The following FAT3 variants were observed in gnomAD, a reference collection of about 807,000 sequenced individuals.
FAT3 encodes FAT atypical cadherin 3, also known as protocadherin Fat 3.
In FAT3, 95 loss-of-function variants were observed where a neutral mutation model predicts 310.2. The observed-to-expected ratio is 0.31, with a 90% CI of 0.26 to 0.36. FAT3 has a LOEUF of 0.36. Ranked by LOEUF, FAT3 falls within the 10% of genes least tolerant of loss-of-function variation. The pLI is 1.00. For synonymous variants in FAT3, 2,314 were observed against 2,192.9 expected, an observed-to-expected ratio of 1.06 and a Z score of -1.54; for missense variants, 5,408 against 5,715.6, an observed-to-expected ratio of 0.95 and a Z score of 1.74.
chr11:92,533,577 G>C (rs927996815), intron 3 of FAT3, among the ~76,000 whole-genome samples: 2 of 152,194 alleles, frequency 1.3e-5, no homozygotes, highest in African/African-American at 4.8e-5. Context: ...ATTACAGGCA[G>C]GGATAGGGAG....
At position 92,638,657 on chromosome 11, in the gene FAT3, A is replaced by G. The variant is rs191355261; in HGVS notation, c.3608-58727A>G. 1.6e-3 allele frequency among the ~76,000 whole-genome samples: 247 copies of G among 152,346 alleles called. 1 individual carries two copies. The highest frequency in any genetic ancestry group is 5.5e-3 in the Admixed American group (84 of 15,304). On this transcript the variant is annotated intron_variant, in intron 3 of 27. Coordinates refer to ENST00000525166, the MANE Select transcript of FAT3 (RefSeq NM_001367949.2). Reference sequence around the variant, plus strand: ...ATTGGACACTTGAAGCACGTCTCATAGGAAATGTCAGCACCAATAATTTTC... The same window carrying G: ...ATTGGACACTTGAAGCACGTCTCATGGGAAATGTCAGCACCAATAATTTTC...
chr11:92,312,217 T>C (rs1347037915), intron 1 of FAT3, among the ~76,000 whole-genome samples: 3 of 152,316 alleles, frequency 2.0e-5, no homozygotes, highest in Middle Eastern at 3.4e-3. Context: ...CCTACAGGAA[T>C]TCGTGATTCT....
At chr11:92,283,624 GA>G (rs1946485383) in intron 1 of FAT3, among the ~76,000 whole-genome samples, 1 of 152,062 alleles carries the variant, frequency 6.6e-6, no homozygotes, top group Non-Finnish European at 1.5e-5. Context: ...TTCAATTCAG[GA>G]ACAACTAAAA....
At chr11:92,671,554 G>T (rs1181255484) in intron 3 of FAT3, among the ~76,000 whole-genome samples, 1 of 151,768 alleles carries the variant, frequency 6.6e-6, no homozygotes, top group Non-Finnish European at 1.5e-5. Flanking sequence ...TGATCAAATG[G>T]GCCTTCCCTG....
rs1949257741 is a variant in FAT3 at position 92,866,785 on chromosome 11, C to A, written c.11703C>A (p.Gly3901=). 2 of 1,613,764 alleles carry A rather than the reference C, an allele frequency of 1.2e-6. No homozygotes were observed. Among genetic ancestry groups the A allele is most frequent in the South Asian group, 2.2e-5 (2 of 91,060 alleles). The change falls in exon 22 of 28, where the codon GGC becomes GGA. Residue 3901 remains glycine, a synonymous_variant. Coordinates refer to ENST00000525166, the MANE Select transcript of FAT3 (RefSeq NM_001367949.2). ...GGTTCCAGCTGGACTGCGGCAGCGG[C>A]CCTGGAATCTTGGGCATCTCGGGCC... ...KLWFQLDCGS[G]PGILGISGRA...
chr11:92,682,639 TC>T (rs1443978023), intron 3 of FAT3, among the ~76,000 whole-genome samples: 1 of 152,244 alleles, frequency 6.6e-6, no homozygotes, highest in Non-Finnish European at 1.5e-5. Context: ...CATCTTAGTT[TC>T]CTTGATATTG....
chr11:92,595,208 TG>T lies in FAT3; in HGVS notation c.3607+70261del, dbSNP rs1240600006. Among the ~76,000 whole-genome samples the T allele has an allele frequency of 2.6e-5, 4 of 152,226 alleles. No homozygotes were observed. The East Asian group carries it at 7.7e-4, about 29-fold the overall frequency. On this transcript the variant is annotated intron_variant, in intron 3 of 27. Coordinates refer to ENST00000525166, the MANE Select transcript of FAT3 (RefSeq NM_001367949.2). The stretch of plus-strand genomic sequence containing the variant: ...AGCTGAATCTGACTTCAACACCACA[TG>T]AGTTCAGGAGAGGATGATGGAGGCA...
Position 92,352,209 on chromosome 11 carries a change from C to A in FAT3, c.97C>A (p.Leu33Met). 1 of 1,379,018 alleles carries A rather than the reference C, an allele frequency of 7.3e-7. No individual in the cohort carries two copies. Among genetic ancestry groups the A allele is most frequent in the East Asian group, 4.4e-5 (1 of 22,638 alleles). 85.4% of individuals were successfully genotyped at this position (1,379,018 alleles called of 1,614,324 possible). A position where few individuals can be genotyped will look rare whatever the true frequency, so the allele number is the denominator to read the frequency against. ...FKLLATVSQG[L>M]PGTGPLGFHF... is the part of the protein sequence containing the mutation. The stretch of plus-strand genomic sequence containing the variant: ...GCTTTTGGCCACTGTCTCCCAGGGG[C>A]TGCCAGGGACTGGACCCCTGGGCTT... Residue 33 changes from leucine to methionine, a missense_variant, in exon 2 of 28, where the codon CTG becomes ATG. Physicochemically the swap from Leu to Met is conservative, Grantham distance 15. Transcript: ENST00000525166.
At chr11:92,882,590 C>G (rs77951320) in intron 23 of FAT3, 148 bp from the exon 24 acceptor site, 66,177 of 515,868 alleles carry the variant, frequency 0.13, 11,214 homozygotes, top group South Asian at 0.17. Flanking sequence ...CCCCCTCCCC[C>G]CCCCCACCAA....
chr11:92,859,404 A>T (rs1949066549), intron 21 of FAT3, 82 bp downstream of exon 21: 1 of 1,362,076 alleles, frequency 7.3e-7, no homozygotes, highest in African/African-American at 1.5e-5. Flanking sequence ...GGCTGAAATC[A>T]TTTTGTCTTT....
chr11:92,412,347 C>G (rs1434814569), intron 2 of FAT3, among the ~76,000 whole-genome samples: 4 of 150,742 alleles, frequency 2.7e-5, no homozygotes, highest in Non-Finnish European at 5.9e-5. Context: ...GTGATCCACC[C>G]ACCTCAGCCT....
chr11:92,505,055 A>G (rs78136870), intron 2 of FAT3, among the ~76,000 whole-genome samples: 279 of 152,218 alleles, frequency 1.8e-3, no homozygotes, highest in African/African-American at 6.4e-3. Context: ...CACTTTAGAA[A>G]CATTCAGATG....
chr11:92,427,234 CTT>C (rs770531595), intron 2 of FAT3, among the ~76,000 whole-genome samples: 1 of 152,142 alleles, frequency 6.6e-6, no homozygotes, highest in East Asian at 1.9e-4. Flanking sequence ...TATCCTGAGA[CTT>C]TGCTGAAGTT....
At chr11:92,550,421 T>G (rs1449743751) in intron 3 of FAT3, among the ~76,000 whole-genome samples, 1 of 152,214 alleles carries the variant, frequency 6.6e-6, no homozygotes, top group Non-Finnish European at 1.5e-5. Flanking sequence ...TCTGCAGATT[T>G]AAATATATAT....
chr11:92,862,404 A>G (rs1246856870), intron 21 of FAT3, among the ~76,000 whole-genome samples: 3 of 152,244 alleles, frequency 2.0e-5, no homozygotes, highest in Non-Finnish European at 4.4e-5. Flanking sequence ...AATCAGTAGG[A>G]GAACACTTTA....
intron 2 of FAT3, among the ~76,000 whole-genome samples, chr11:92,418,434 C>CCA (rs1491574118): frequency 1.8e-5 from 2 of 109,150 alleles, no homozygotes; most frequent in Non-Finnish European, 3.7e-5. Flanking sequence ...CCCCACCCCC[C>CCA]CACACACACA....
At chr11:92,816,657 G>A (rs1947833759) in intron 13 of FAT3, among the ~76,000 whole-genome samples, 1 of 152,200 alleles carries the variant, frequency 6.6e-6, no homozygotes, top group Non-Finnish European at 1.5e-5. Context: ...CCTCAAGGGT[G>A]TGGAGGGACC....
chr11:92,308,785 C>CT, intron 1 of FAT3, among the ~76,000 whole-genome samples: 1 of 152,244 alleles, frequency 6.6e-6, no homozygotes, highest in Non-Finnish European at 1.5e-5. Flanking sequence ...TGTATCCTTT[C>CT]TTAATGTCTT....
chr11:92,682,627 A>G (rs1252433251), intron 3 of FAT3, among the ~76,000 whole-genome samples: 1 of 152,168 alleles, frequency 6.6e-6, no homozygotes, highest in East Asian at 1.9e-4. Flanking sequence ...AGGGTGATCA[A>G]CCATCTTAGT....
Sources: gnomAD v4.1 joint callset for allele counts (sites outside exome capture counted in the v4.1 genomes callset) on GRCh38, gnomAD v4.1.1 for gene constraint, MANE v1.5 for transcripts, NCBI Gene and HGNC (gene_info 2026-07-23, HGNC 2026-07-21) for gene names.